Variants in THBS4 observed in about 807,000 individuals in gnomAD.
The protein encoded by THBS4 is thrombospondin 4.
A neutral mutation model predicts 115.7 loss-of-function variants in THBS4; 90 were observed. That is an observed-to-expected ratio of 0.78 (90% CI 0.66 to 0.93). The LOEUF is 0.93. THBS4 is among the 40% of genes least tolerant of loss of function. The probability of loss-of-function intolerance (pLI) is 0.00; values close to 1 mark genes in which losing one functional copy is unlikely to be tolerated. For missense variants in THBS4, 1,087 were observed against 1,232.7 expected, an observed-to-expected ratio of 0.88 and a Z score of 1.77; for synonymous variants, 460 against 479.3, an observed-to-expected ratio of 0.96 and a Z score of 0.53.
chr5:80,059,175 C>G (rs1420901227), intron 5 of THBS4, among the ~76,000 whole-genome samples: 1 of 151,948 alleles, frequency 6.6e-6, no homozygotes, highest in Non-Finnish European at 1.5e-5. Context: ...ACTAAAAATA[C>G]AAAAATTAGC....
At position 80,070,741 on chromosome 5, in the gene THBS4, G is replaced by A. The variant is rs1483613643; in HGVS notation, c.1551G>A (p.Leu517=). 1 of 1,614,150 alleles carries A rather than the reference G, an allele frequency of 6.2e-7. No individual in the cohort carries two copies. The highest frequency in any genetic ancestry group is 1.1e-5 in the South Asian group (1 of 91,090). Residue 517 remains leucine, a synonymous_variant, in exon 12 of 22, where the codon CTG becomes CTA. Coordinates refer to ENST00000350881, the MANE Select transcript of THBS4 (RefSeq NM_003248.6). The part of the protein sequence containing the change: ...CDEDADGDGI[L]NEQDNCVLIH... ...AGGATGCTGACGGAGATGGGATCCT[G>A]AATGAGCAGGTACCTGCTTCGCTGG...
chr5:80,080,275 G>A (rs552582386), intron 20 of THBS4, 198 bp downstream of exon 20: 39 of 611,906 alleles, frequency 6.4e-5, no homozygotes, highest in African/African-American at 6.3e-4. Context: ...ACCCGGACAG[G>A]ACAGTAGGAC....
intron 2 of THBS4, among the ~76,000 whole-genome samples, chr5:80,004,988 T>C (rs1445564521): frequency 6.6e-6 from 1 of 152,114 alleles, no homozygotes; most frequent in East Asian, 1.9e-4. Flanking sequence ...TCCACCCTCC[T>C]TGGCCTCCCA....
chr5:80,021,740 C>T (rs760869660), intron 2 of THBS4, among the ~76,000 whole-genome samples: 12 of 152,218 alleles, frequency 7.9e-5, no homozygotes, highest in Middle Eastern at 3.4e-3. Context: ...TGGTCTTGAA[C>T]GCCTGGCCTC....
At position 80,035,629 on chromosome 5, in the gene THBS4, A is replaced by C. The variant is rs1458460699; in HGVS notation, c.88+4A>C. On this transcript the variant is annotated splice_donor_region_variant and intron_variant, in intron 1 of 21. Coordinates refer to ENST00000350881, the MANE Select transcript of THBS4 (RefSeq NM_003248.6). This position sits in a 1 kb window ranked among gnomAD's most constrained non-coding sequence, Gnocchi z 4.6. The stretch of plus-strand genomic sequence containing the variant: ...GGCGCCCAGGCCACCCCCCAGGGTA[A>C]GTGGGTTCGGGTCGGGCCTGGGAGC... 5.2e-6 allele frequency: 7 copies of C among 1,358,594 alleles called. No individual in the cohort carries two copies. Among genetic ancestry groups the C allele is most frequent in the Non-Finnish European group, 6.6e-6 (7 of 1,053,876 alleles). 84.2% of individuals were successfully genotyped at this position (1,358,594 alleles called of 1,614,324 possible). A position where few individuals can be genotyped will look rare whatever the true frequency, so the allele number is the denominator to read the frequency against.
intron 9 of THBS4, 122 bp from the exon 10 acceptor site, chr5:80,067,851 C>T: frequency 8.9e-7 from 1 of 1,128,996 alleles, no homozygotes; most frequent in African/African-American, 1.6e-5. Flanking sequence ...AGGCATGGAT[C>T]TGATGCCTGA....
intron 10 of THBS4, among the ~76,000 whole-genome samples, chr5:80,069,562 C>T (rs549403171): frequency 2.0e-5 from 3 of 152,268 alleles, no homozygotes; most frequent in Non-Finnish European, 2.9e-5. Flanking sequence ...TAAGGCACAA[C>T]GACAGATGGT....
intron 8 of THBS4, among the ~76,000 whole-genome samples, chr5:80,064,821 G>A (rs979605435): frequency 1.4e-4 from 22 of 152,022 alleles, no homozygotes; most frequent in African/African-American, 2.2e-4. Context: ...ATGGAAAATC[G>A]TTGAACTTAA....
At chr5:80,054,499 T>A (rs555914213) in intron 2 of THBS4, among the ~76,000 whole-genome samples, 1 of 152,148 alleles carries the variant, frequency 6.6e-6, no homozygotes, top group African/African-American at 2.4e-5. Context: ...TTTTGTATTT[T>A]TACTAGAGAC....
In THBS4 at chr5:80,078,080, C is replaced by T. The variant is rs1423307258; in HGVS notation, c.2118C>T (p.Asp706=). The part of the protein sequence containing the change: ...SDGVGDICES[D]FDQDQVIDRI... ...GAGTGGGAGACATCTGTGAGTCTGA[C>T]TTTGACCAGGACCAGGTCATCGATC... Residue 706 remains aspartate, a synonymous_variant, in exon 17 of 22, where the codon GAC becomes GAT. Transcript: ENST00000350881. The T allele has an allele frequency of 3.1e-6, 5 of 1,602,010 alleles. No individual in the cohort carries two copies. The highest frequency in any genetic ancestry group is 4.3e-6 in the Non-Finnish European group (5 of 1,172,020).
At chr5:80,059,406 T>A in intron 5 of THBS4, 34 bp from the exon 6 acceptor site, 1 of 1,606,418 alleles carries the variant, frequency 6.2e-7, no homozygotes, top group Non-Finnish European at 8.5e-7. Context: ...AGGCATTCCT[T>A]TTCAATCCTT....
rs553795225 is a variant in THBS4 at position 80,043,604 on chromosome 5, A to T, written c.292+3324A>T. ...CTCCATTAAAGTCCAGGACTGGGAGATGAAGGAGGGTGACTACACAGCATC... is the reference window on the plus strand; with the variant it reads ...CTCCATTAAAGTCCAGGACTGGGAGTTGAAGGAGGGTGACTACACAGCATC... On this transcript the variant is annotated intron_variant, in intron 2 of 21. Coordinates refer to ENST00000350881, the MANE Select transcript of THBS4 (RefSeq NM_003248.6). 1.5e-3 allele frequency among the ~76,000 whole-genome samples: 221 copies of T among 152,286 alleles called. 1 individual carries two copies. Among genetic ancestry groups the T allele is most frequent in the African/African-American group, 4.9e-3 (205 of 41,548 alleles).
At chr5:80,041,327 C>A (rs1832894429) in intron 2 of THBS4, among the ~76,000 whole-genome samples, 1 of 152,152 alleles carries the variant, frequency 6.6e-6, no homozygotes, top group Non-Finnish European at 1.5e-5. Flanking sequence ...TAATCATCTC[C>A]CAAAAGCCCC....
At chr5:80,070,620 C>T (rs772917335) in intron 11 of THBS4, 23 bp from the exon 12 acceptor site, 7 of 1,603,894 alleles carry the variant, frequency 4.4e-6, no homozygotes, top group African/African-American at 1.3e-5. Flanking sequence ...GGATGTCACT[C>T]GGAACTGCAT....
chr5:80,067,257 A>G (rs1026190363), intron 9 of THBS4: 1 of 152,172 alleles, frequency 6.6e-6, no homozygotes, highest in Non-Finnish European at 1.5e-5. Flanking sequence ...ATGTATACGT[A>G]TATCACATCA....
chr5:80,027,301 C>T (rs1832496494), intron 2 of THBS4, among the ~76,000 whole-genome samples: 1 of 152,128 alleles, frequency 6.6e-6, no homozygotes. Context: ...AGCAGAATCC[C>T]CACCCTCTCC....
Position 80,082,404 on chromosome 5 carries a change from A to C in THBS4, c.2685-2A>C, listed in dbSNP as rs1390541394. On this transcript the variant is annotated splice_acceptor_variant, in intron 20 of 21. Transcript: ENST00000350881. LOFTEE classifies it high-confidence loss of function. ...AGGCCCCTCCGGCCGTGTTGTCCGC[A>C]GGGTACGATTTTATGAAGGCTCTGA... 8 of 1,613,818 alleles carry C rather than the reference A, an allele frequency of 5.0e-6. No individual in the cohort carries two copies. The highest frequency in any genetic ancestry group is 6.8e-6 in the Non-Finnish European group (8 of 1,179,908).
chr5:80,047,087 T>C (rs150247455), intron 2 of THBS4, among the ~76,000 whole-genome samples: 5 of 152,292 alleles, frequency 3.3e-5, no homozygotes, highest in African/African-American at 1.2e-4. Flanking sequence ...TCCTAATCAG[T>C]GTTGAGGATA....
intron 2 of THBS4, among the ~76,000 whole-genome samples, chr5:80,011,258 A>G (rs1351098720): frequency 1.3e-5 from 2 of 152,010 alleles, no homozygotes; most frequent in Non-Finnish European, 2.9e-5. Context: ...AGTCCATTAA[A>G]CGTCTTTCTT....
Sources: gnomAD v4.1 joint callset for allele counts (sites outside exome capture counted in the v4.1 genomes callset) on GRCh38, gnomAD v4.1.1 for gene constraint, Gnocchi (gnomAD v3.1) non-coding constraint, MANE v1.5 for transcripts, NCBI Gene and HGNC (gene_info 2026-07-23, HGNC 2026-07-21) for gene names.